The following KSR1 variants were observed in gnomAD, a reference collection of about 807,000 sequenced individuals.
KSR1 encodes kinase suppressor of ras.
A neutral mutation model predicts 92.9 loss-of-function variants in KSR1; 35 were observed. The observed-to-expected ratio is 0.38, with a 90% CI of 0.29 to 0.50. KSR1 has a LOEUF of 0.50. Among genes scored for constraint, KSR1 ranks in the 20% least tolerant of loss-of-function variants. The probability of loss-of-function intolerance (pLI) is 0.94; values close to 1 mark genes in which losing one functional copy is unlikely to be tolerated. For synonymous variants in KSR1, 467 were observed against 472.6 expected (o/e 0.99, Z 0.15); for missense variants, 972 against 1,158.5 (o/e 0.84, Z 2.34).
At chr17:27,540,657 TC>T (rs2070929794) in intron 1 of KSR1, among the ~76,000 whole-genome samples, 1 of 152,222 alleles carries the variant, frequency 6.6e-6, no homozygotes, top group African/African-American at 2.4e-5. Context: ...CTTTCTCCTC[TC>T]CTTGCCCCAC....
chr17:27,580,992 C>T (rs1418630493), intron 3 of KSR1, among the ~76,000 whole-genome samples: 2 of 152,094 alleles, frequency 1.3e-5, no homozygotes, highest in Non-Finnish European at 2.9e-5. Flanking sequence ...GTCTCGAACT[C>T]CTGACCTGGT....
Position 27,577,356 on chromosome 17 carries a change from C to T in KSR1, c.373-136C>T, listed in dbSNP as rs2072549520. The T allele has an allele frequency of 8.3e-6, 5 of 599,138 alleles. No individual in the cohort carries two copies. The highest frequency in any genetic ancestry group is 5.9e-5 in the South Asian group (3 of 51,012). 37.1% of individuals were successfully genotyped at this position (599,138 alleles called of 1,614,324 possible). A position where few individuals can be genotyped will look rare whatever the true frequency, so the allele number is the denominator to read the frequency against. The stretch of plus-strand genomic sequence containing the variant: ...GGAGCTCTGCTTGTGTCCCCAAGCA[C>T]GTGGTGGCTCTGGTCAGAGGCCGGC... On this transcript the variant is annotated intron_variant, in intron 2 of 20. Transcript: ENST00000644974. The surrounding 1 kb of genome is among the most constrained non-coding windows in gnomAD (Gnocchi z 4.5).
chr17:27,566,783 T>C (rs1268086100), intron 2 of KSR1, among the ~76,000 whole-genome samples: 1 of 152,234 alleles, frequency 6.6e-6, no homozygotes, highest in African/African-American at 2.4e-5. Flanking sequence ...CTTCCTGAAA[T>C]AGATCCTCCC....
intron 1 of KSR1, among the ~76,000 whole-genome samples, chr17:27,503,585 G>A (rs538605603): frequency 6.6e-6 from 1 of 152,250 alleles, no homozygotes; most frequent in Admixed American, 6.5e-5. Flanking sequence ...TCCTGCTTGT[G>A]GTCGTTGGTG....
chr17:27,592,771 T>C lies in KSR1; in HGVS notation c.1299+145T>C. On this transcript the variant is annotated intron_variant, in intron 9 of 20. Transcript: ENST00000644974. ...GGCCAGAGGGTGGCCTTGGGGATCA[T>C]ATCTTGAGCCACTAGGAGGCTTTAC... 1.5e-5 allele frequency: 10 copies of C among 646,650 alleles called. No homozygotes were observed. In the South Asian group the frequency reaches 1.6e-4, roughly 10 times the overall value. The allele number at this position is 646,650 out of a possible 1,614,324, so 40.1% of individuals were successfully genotyped here. A position where few individuals can be genotyped will look rare whatever the true frequency, so the allele number is the denominator to read the frequency against.
At chr17:27,589,499 G>A (rs1460339376) in intron 6 of KSR1, among the ~76,000 whole-genome samples, 2 of 152,174 alleles carry the variant, frequency 1.3e-5, no homozygotes, top group South Asian at 2.1e-4. Context: ...TTCCTTGGCT[G>A]CACACTAAGA....
chr17:27,573,052 C>T (rs894303499), intron 2 of KSR1, among the ~76,000 whole-genome samples: 1 of 152,174 alleles, frequency 6.6e-6, no homozygotes, highest in Non-Finnish European at 1.5e-5. Context: ...CATCCTCCCC[C>T]GTTTGCCTAC....
At chr17:27,551,935 T>G (rs1362789608) in intron 2 of KSR1, among the ~76,000 whole-genome samples, 1 of 152,194 alleles carries the variant, frequency 6.6e-6, no homozygotes, top group Non-Finnish European at 1.5e-5. Flanking sequence ...TCCTGTTTCC[T>G]TCAGGATAAA....
intron 1 of KSR1, among the ~76,000 whole-genome samples, chr17:27,533,098 T>C (rs1410532234): frequency 6.6e-6 from 1 of 152,162 alleles, no homozygotes; most frequent in Non-Finnish European, 1.5e-5. Flanking sequence ...AAGGAAGTAA[T>C]GTAGCCCATG....
chr17:27,475,254 C>T (rs902910817), intron 1 of KSR1, among the ~76,000 whole-genome samples: 9 of 152,178 alleles, frequency 5.9e-5, no homozygotes, highest in African/African-American at 2.2e-4. Flanking sequence ...CCACTGCACT[C>T]ACGGGTCTCT....
intron 17 of KSR1, among the ~76,000 whole-genome samples, chr17:27,610,565 A>C (rs965326522): frequency 5.9e-5 from 9 of 152,190 alleles, no homozygotes; most frequent in African/African-American, 2.2e-4. Flanking sequence ...GGGGAGCTGG[A>C]TATCCTGCCG....
chr17:27,483,361 G>A (rs2150947168), intron 1 of KSR1, among the ~76,000 whole-genome samples: 1 of 152,316 alleles, frequency 6.6e-6, no homozygotes, highest in East Asian at 1.9e-4. Context: ...GCCAAGACGG[G>A]TGGATCACCT....
intron 9 of KSR1, 100 bp downstream of exon 9, chr17:27,592,726 C>T: frequency 1.1e-6 from 1 of 923,504 alleles, no homozygotes; most frequent in South Asian, 1.7e-5. Flanking sequence ...TTTGGCATGA[C>T]ACCACCGTCT....
At chr17:27,584,643 G>A (rs916146524) in intron 4 of KSR1, among the ~76,000 whole-genome samples, 2 of 152,190 alleles carry the variant, frequency 1.3e-5, no homozygotes, top group Admixed American at 1.3e-4. Context: ...TCAGGCAGAT[G>A]ACACAACTAG....
rs1056211043 is a variant in KSR1, at chr17:27,595,974, G to A, written c.1300-1294G>A. Among the ~76,000 whole-genome samples, 7 of 152,202 alleles carry A rather than the reference G, an allele frequency of 4.6e-5. No individual in the cohort carries two copies. In the South Asian group the frequency reaches 6.2e-4, roughly 13 times the overall value. ...CAGTGGGGCCATGGTGGCACGTAGC[G>A]TGGATTGAGTTGATAATCAGTGCCG... On this transcript the variant is annotated intron_variant, in intron 9 of 20. Coordinates refer to ENST00000644974, the MANE Select transcript of KSR1 (RefSeq NM_001394583.1).
intron 1 of KSR1, among the ~76,000 whole-genome samples, chr17:27,545,246 C>T (rs996534142): frequency 5.3e-5 from 8 of 152,240 alleles, no homozygotes; most frequent in Admixed American, 5.2e-4. Context: ...TCTAGGGAAG[C>T]TGTCCTGGCT....
chr17:27,525,197 TCTTA>T (rs1160299403), intron 1 of KSR1, among the ~76,000 whole-genome samples: 3 of 152,266 alleles, frequency 2.0e-5, no homozygotes, highest in Admixed American at 6.5e-5. Context: ...CAGCTCCGCC[TCTTA>T]CTTACTGTGT....
chr17:27,530,453 A>G (rs187288656), intron 1 of KSR1, among the ~76,000 whole-genome samples: 6 of 152,048 alleles, frequency 3.9e-5, no homozygotes, highest in Admixed American at 3.9e-4. Flanking sequence ...TCAAAAGAAA[A>G]AAAAAAGACC....
intron 1 of KSR1, among the ~76,000 whole-genome samples, chr17:27,538,048 G>C (rs558470546): frequency 4.8e-4 from 73 of 152,342 alleles, no homozygotes; most frequent in African/African-American, 1.8e-3. Flanking sequence ...AGGACTTTTG[G>C]AAGAATGCTT....
Sources: allele counts gnomAD v4.1 joint callset (sites outside exome capture counted in the v4.1 genomes callset), GRCh38; gene constraint gnomAD v4.1.1; non-coding constraint Gnocchi (gnomAD v3.1); transcripts MANE v1.5; gene names NCBI Gene and HGNC (gene_info 2026-07-23, HGNC 2026-07-21).